The following IL1RAPL1 variants were observed in gnomAD, a reference collection of about 807,000 sequenced individuals.
The protein encoded by IL1RAPL1 is interleukin 1 receptor accessory protein like 1.
In IL1RAPL1, 3 loss-of-function variants were observed where a neutral mutation model predicts 48.4. That is an observed-to-expected ratio of 0.06 (90% confidence interval 0.03 to 0.16). The LOEUF (loss-of-function observed/expected upper bound fraction) is 0.16. Among genes scored for constraint, IL1RAPL1 ranks in the 10% least tolerant of loss-of-function variants. The probability of loss-of-function intolerance (pLI) is 1.00; values close to 1 mark genes in which losing one functional copy is unlikely to be tolerated. For missense variants in IL1RAPL1, 349 were observed against 530.6 expected, an observed-to-expected ratio of 0.66 and a Z score of 3.36; for synonymous variants, 185 against 187.7, an observed-to-expected ratio of 0.99 and a Z score of 0.12.
intron 2 of IL1RAPL1, among the ~76,000 whole-genome samples, chrX:28,935,808 G>A (rs1239807666): frequency 8.9e-6 from 1 of 111,843 alleles, no homozygotes; most frequent in African/African-American, 3.2e-5. Context: ...CTAAGATGCT[G>A]TTCTTCTGCC....
chrX:28,951,864 A>C (rs1924476857), intron 2 of IL1RAPL1, among the ~76,000 whole-genome samples: 1 of 111,811 alleles, frequency 8.9e-6, no homozygotes, highest in Non-Finnish European at 1.9e-5. Flanking sequence ...TGTATCAATT[A>C]CTACAGTAAA....
At chrX:29,805,332 G>C (rs1021793951) in intron 6 of IL1RAPL1, among the ~76,000 whole-genome samples, 1 of 110,120 alleles carries the variant, frequency 9.1e-6, no homozygotes, top group Non-Finnish European at 1.9e-5. Context: ...GAATTCCTGG[G>C]GTCACACTGT....
chrX:28,756,699 T>C (rs73535904), intron 1 of IL1RAPL1, among the ~76,000 whole-genome samples: 1,162 of 112,123 alleles, frequency 0.01, 11 homozygotes, highest in African/African-American at 0.036. Context: ...TAAGTTTCCA[T>C]TTTTCTGTTT....
intron 5 of IL1RAPL1, among the ~76,000 whole-genome samples, chrX:29,526,890 A>C (rs765863349): frequency 1.8e-5 from 2 of 111,950 alleles, no homozygotes; most frequent in African/African-American, 6.5e-5. Context: ...ATGCTTTGCT[A>C]TATGGAGCTA....
At chrX:29,520,721 A>G (rs147613922) in intron 5 of IL1RAPL1, among the ~76,000 whole-genome samples, 1,373 of 111,506 alleles carry the variant, frequency 0.012, 33 homozygotes, top group African/African-American at 0.043. Context: ...TATTATTATT[A>G]TTATTATCTT....
chrX:29,223,066 C>T lies in IL1RAPL1; in HGVS notation c.83-59872C>T, dbSNP rs756005864. On this transcript the variant is annotated intron_variant, in intron 2 of 10. Transcript: ENST00000378993. ...TGTCTCTACTCAGACACCTGCCCAA[C>T]CCTACTCAATGTAATATTTTCTATA... Among the ~76,000 whole-genome samples the T allele has an allele frequency of 1.8e-5, 2 of 111,270 alleles. 1 individual carries two copies. The highest frequency in any genetic ancestry group is 7.6e-4 in the South Asian group (2 of 2,634).
intron 5 of IL1RAPL1, among the ~76,000 whole-genome samples, chrX:29,525,941 A>G (rs746220349): frequency 7.2e-5 from 8 of 111,825 alleles, no homozygotes; most frequent in South Asian, 3.7e-4. Context: ...TTCCAGTGCT[A>G]GATATAGTAG....
intron 3 of IL1RAPL1, among the ~76,000 whole-genome samples, chrX:29,363,120 C>T (rs764274969): frequency 7.6e-4 from 85 of 111,375 alleles, no homozygotes; most frequent in Non-Finnish European, 1.4e-3. Context: ...TAAATAGGTG[C>T]CTGAGGTTCC....
intron 2 of IL1RAPL1, among the ~76,000 whole-genome samples, chrX:29,235,110 G>T (rs1931267177): frequency 8.9e-6 from 1 of 111,774 alleles, no homozygotes; most frequent in Non-Finnish European, 1.9e-5. Context: ...GGTTATCTGA[G>T]TAATGGGGCT....
At position 28,597,127 on chromosome X, in the gene IL1RAPL1, G is replaced by T. The variant is rs375049822; in HGVS notation, c.-25+9080G>T. Among the ~76,000 whole-genome samples, 84 of 111,489 alleles carry T rather than the reference G, an allele frequency of 7.5e-4. 1 individual carries two copies. In the South Asian group the frequency reaches 0.032, roughly 42 times the overall value. ...TGTTCTTGTTTCCCCAGAGAAGGGG[G>T]TATATGATATGAAATGTAAGAAGAT... is the stretch of plus-strand genomic sequence containing the variant. On this transcript the variant is annotated intron_variant, in intron 1 of 10. Transcript: ENST00000378993.
At chrX:29,522,953 T>G (rs1935517180) in intron 5 of IL1RAPL1, among the ~76,000 whole-genome samples, 1 of 111,448 alleles carries the variant, frequency 9.0e-6, no homozygotes, top group Non-Finnish European at 1.9e-5. Flanking sequence ...CTGTTAAAAC[T>G]TTAGTTTATG....
chrX:29,391,087 T>A (rs987086584), intron 3 of IL1RAPL1, among the ~76,000 whole-genome samples: 3 of 109,607 alleles, frequency 2.7e-5, no homozygotes, highest in Non-Finnish European at 5.7e-5. Context: ...GGCTGGAGAA[T>A]CGCTTGAACC....
intron 6 of IL1RAPL1, among the ~76,000 whole-genome samples, chrX:29,906,177 T>TACAA (rs979429190): frequency 1.9e-5 from 2 of 106,445 alleles, no homozygotes; most frequent in African/African-American, 3.4e-5. Context: ...TCTACTAAAA[T>TACAA]ACAAACAATC....
At chrX:29,007,116 G>T (rs1926003434) in intron 2 of IL1RAPL1, among the ~76,000 whole-genome samples, 1 of 111,731 alleles carries the variant, frequency 9.0e-6, no homozygotes, top group Admixed American at 9.5e-5. Flanking sequence ...ACTCTTTAAT[G>T]CAGTCAGGAT....
chrX:28,985,806 C>G (rs1207997095), intron 2 of IL1RAPL1, among the ~76,000 whole-genome samples: 1 of 109,479 alleles, frequency 9.1e-6, no homozygotes, highest in African/African-American at 3.3e-5. Flanking sequence ...ACTACAGGCG[C>G]CCGCCACCTC....
intron 2 of IL1RAPL1, among the ~76,000 whole-genome samples, chrX:29,059,132 T>C (rs1379671538): frequency 8.9e-6 from 1 of 112,083 alleles, no homozygotes; most frequent in Admixed American, 9.5e-5. Context: ...TTTATGTTAA[T>C]AGAGGTTAAG....
chrX:29,569,193 A>G (rs1922510174), intron 5 of IL1RAPL1, among the ~76,000 whole-genome samples: 1 of 111,507 alleles, frequency 9.0e-6, no homozygotes, highest in Admixed American at 9.5e-5. Flanking sequence ...AGTGTTCTTC[A>G]TTCCACGCTT....
At chrX:29,503,703 G>A (rs1365590714) in intron 5 of IL1RAPL1, among the ~76,000 whole-genome samples, 2 of 111,011 alleles carry the variant, frequency 1.8e-5, no homozygotes, top group African/African-American at 3.3e-5. Flanking sequence ...AAGCTGGAGT[G>A]CAGTGGCACA....
intron 6 of IL1RAPL1, among the ~76,000 whole-genome samples, chrX:29,904,355 ATTCTT>A (rs1160457065): frequency 9.6e-6 from 1 of 103,809 alleles, no homozygotes; most frequent in Non-Finnish European, 2.0e-5. Flanking sequence ...TTTATTGCTG[ATTCTT>A]TTTTTAATTT....
Sources: gnomAD v4.1 joint callset for allele counts (sites outside exome capture counted in the v4.1 genomes callset) on GRCh38, gnomAD v4.1.1 for gene constraint, MANE v1.5 for transcripts, NCBI Gene and HGNC (gene_info 2026-07-23, HGNC 2026-07-21) for gene names.